Variants in ACCS observed in about 807,000 individuals in gnomAD.
ACCS encodes 1-aminocyclopropane-1-carboxylate synthase-like protein 1.
Under a neutral mutation model 59.8 loss-of-function variants are expected in ACCS, and 42 were observed. The observed-to-expected ratio is 0.70, with a 90% CI of 0.55 to 0.91. ACCS has a LOEUF of 0.91. ACCS is among the 40% of genes least tolerant of loss of function. The probability of loss-of-function intolerance (pLI) is 0.00; values close to 1 mark genes in which losing one functional copy is unlikely to be tolerated. For synonymous variants in ACCS, 230 were observed against 240.3 expected (o/e 0.96, Z 0.40); for missense variants, 602 against 630.4 (o/e 0.95, Z 0.48).
At chr11:44,069,140 G>A (rs957412131) in intron 2 of ACCS, among the ~76,000 whole-genome samples, 3 of 152,194 alleles carry the variant, frequency 2.0e-5, no homozygotes, top group Non-Finnish European at 4.4e-5. Context: ...CTCAAATCTA[G>A]CAAGTTAAAA....
At chr11:44,076,707 A>C (rs1196790918) in intron 6 of ACCS, among the ~76,000 whole-genome samples, 2 of 152,230 alleles carry the variant, frequency 1.3e-5, no homozygotes, top group Non-Finnish European at 2.9e-5. Flanking sequence ...ATGCTTAGCA[A>C]ATGTTAGCTG....
chr11:44,075,486 G>A (rs1179752912), intron 5 of ACCS, 40 bp from the exon 6 acceptor site: 3 of 1,606,564 alleles, frequency 1.9e-6, no homozygotes, highest in South Asian at 2.2e-5. Flanking sequence ...CACACTCCTG[G>A]AACTGGTTCA....
rs1186784438 is a variant in ACCS, at chr11:44,083,309, A to C, written c.1252A>C (p.Lys418Gln). 6.2e-7 allele frequency: 1 copy of C among 1,614,034 alleles called. No homozygotes were observed. Among genetic ancestry groups the C allele is most frequent in the Non-Finnish European group, 8.5e-7 (1 of 1,179,964 alleles). Residue 418 changes from lysine to glutamine, a missense_variant and splice_region_variant, in exon 13 of 15, where the codon AAG becomes CAG. By Grantham distance (53) the Lys-to-Gln change is moderately conservative. Coordinates refer to ENST00000263776, the MANE Select transcript of ACCS (RefSeq NM_032592.4). ...CTTCTTCATCTGGGTTGACTTGAGA[A>C]AGGTAATGCTGGTGGAGGTGCGGGC... ...AGFFIWVDLR[K>Q]YLPKGTFEEE...
chr11:44,083,583 C>T lies in ACCS; in HGVS notation c.1408+6C>T. On this transcript the variant is annotated splice_donor_region_variant and intron_variant, in intron 14 of 14. Transcript: ENST00000263776. ...GGTCCACCGGCTTTGCCTGGGTGAG[C>T]AGCCTGCCTTTCCAGCCCAGTCCTA... The T allele has an allele frequency of 1.2e-6, 2 of 1,614,198 alleles. No homozygotes were observed. The highest frequency in any genetic ancestry group is 8.5e-7 in the Non-Finnish European group (1 of 1,180,046).
intron 2 of ACCS, among the ~76,000 whole-genome samples, chr11:44,070,306 T>C (rs1952991562): frequency 6.6e-6 from 1 of 152,030 alleles, no homozygotes; most frequent in South Asian, 2.1e-4. Flanking sequence ...GGGAAGCTGT[T>C]GTAATAATAT....
chr11:44,084,121 T>C lies in ACCS; in HGVS notation c.*329T>C, dbSNP rs1953760908. 4.0e-6 allele frequency: 1 copy of C among 249,102 alleles called. No homozygotes were observed. Among genetic ancestry groups the C allele is most frequent in the Non-Finnish European group, 7.7e-6 (1 of 130,390 alleles). 15.4% of individuals were successfully genotyped at this position (249,102 alleles called of 1,614,324 possible). A position where few individuals can be genotyped will look rare whatever the true frequency, so the allele number is the denominator to read the frequency against. The stretch of plus-strand genomic sequence containing the variant: ...ATGTGAAAAGAAAACAAACAACTTG[T>C]ACCTTCTTTCTGATATCACCGTCAT... On this transcript the variant is annotated 3_prime_UTR_variant, in exon 15 of 15. Coordinates refer to ENST00000263776, the MANE Select transcript of ACCS (RefSeq NM_032592.4).
intron 2 of ACCS, among the ~76,000 whole-genome samples, chr11:44,070,248 G>A (rs1033931405): frequency 2.4e-4 from 37 of 152,266 alleles, no homozygotes; most frequent in African/African-American, 8.7e-4. Context: ...TTGGACTGCT[G>A]TATGGAGATT....
intron 12 of ACCS, chr11:44,082,076 G>A (rs1048292393): frequency 1.2e-4 from 19 of 152,270 alleles, no homozygotes; most frequent in Admixed American, 1.2e-3. Flanking sequence ...TGAGGAAAAT[G>A]AGGACCAGAT....
In ACCS at chr11:44,084,161, C is replaced by A; in HGVS notation, c.*369C>A. On this transcript the variant is annotated 3_prime_UTR_variant, in exon 15 of 15. Transcript: ENST00000263776. ...ATCACCGTCATTCCTCTTTCTTTGTCACCAAGGAAACGAGTCAAAGGAACA... is the reference window on the plus strand; with the variant it reads ...ATCACCGTCATTCCTCTTTCTTTGTAACCAAGGAAACGAGTCAAAGGAACA... The A allele has an allele frequency of 4.8e-6, 1 of 208,358 alleles. No homozygotes were observed. The highest frequency in any genetic ancestry group is 9.7e-6 in the Non-Finnish European group (1 of 103,200). 12.9% of individuals were successfully genotyped at this position (208,358 alleles called of 1,614,324 possible).
intron 4 of ACCS, among the ~76,000 whole-genome samples, chr11:44,073,935 G>C (rs532335604): frequency 1.3e-5 from 2 of 152,182 alleles, no homozygotes; most frequent in African/African-American, 4.8e-5. Context: ...ATGCTAAGAG[G>C]GGAGGTGGTA....
In ACCS at chr11:44,077,885, A is replaced by G; in HGVS notation, c.695A>G (p.Glu232Gly). The G allele has an allele frequency of 1.2e-6, 2 of 1,613,916 alleles. No homozygotes were observed. The highest frequency in any genetic ancestry group is 4.5e-5 in the East Asian group (2 of 44,888). ...LDTRPFQLTV[E>G]KLEMALREAH... ...ACACGCCCCTTCCAGCTCACAGTGG[A>G]GAAGCTGGAGATGGCCCTGAGAGAA... Residue 232 changes from glutamate to glycine, a missense_variant, in exon 8 of 15, where the codon GAG becomes GGG. Coordinates refer to ENST00000263776, the MANE Select transcript of ACCS (RefSeq NM_032592.4).
intron 4 of ACCS, among the ~76,000 whole-genome samples, 167 bp from the exon 5 acceptor site, chr11:44,074,445 G>A (rs1011957055): frequency 6.6e-6 from 1 of 152,064 alleles, no homozygotes; most frequent in African/African-American, 2.4e-5. Flanking sequence ...TGGGTACTGG[G>A]GAGGGGAAGG....
Position 44,073,531 on chromosome 11 carries a change from A to G in ACCS, c.419+14A>G. The G allele has an allele frequency of 6.3e-7, 1 of 1,597,472 alleles. No individual in the cohort carries two copies. Among genetic ancestry groups the G allele is most frequent in the Non-Finnish European group, 8.5e-7 (1 of 1,170,480 alleles). Reference sequence around the variant, plus strand: ...GGGACATCTGTTGTAAGTAGTTGCCATAGGGTGAGTTTGTCCCCCTGGGGA... The same window carrying G: ...GGGACATCTGTTGTAAGTAGTTGCCGTAGGGTGAGTTTGTCCCCCTGGGGA... On this transcript the variant is annotated intron_variant, in intron 4 of 14. Coordinates refer to ENST00000263776, the MANE Select transcript of ACCS (RefSeq NM_032592.4).
chr11:44,079,442 C>T, intron 9 of ACCS, 89 bp from the exon 10 acceptor site: 1 of 1,105,622 alleles, frequency 9.0e-7, no homozygotes. Context: ...CCCGGCCCCT[C>T]TGGATTTCTG....
intron 7 of ACCS, 181 bp from the exon 8 acceptor site, chr11:44,077,664 G>T (rs376215031): frequency 2.8e-6 from 4 of 1,441,560 alleles, no homozygotes; most frequent in Non-Finnish European, 3.6e-6. Flanking sequence ...TGATGAGGGG[G>T]TCTCTGAAGT....
At position 44,081,457 on chromosome 11, in the gene ACCS, G is replaced by T. The variant is rs995112897; in HGVS notation, c.1111+137G>T. 62 of 1,376,088 alleles carry T rather than the reference G, an allele frequency of 4.5e-5. No individual in the cohort carries two copies. In the African/African-American group the frequency reaches 7.8e-4, roughly 17 times the overall value. 85.2% of individuals were successfully genotyped at this position (1,376,088 alleles called of 1,614,324 possible). The stretch of plus-strand genomic sequence containing the variant: ...AGAGTGCCAGCTCTGAGCCCCGACT[G>T]GGTCCATACCCTATTTGGCCACTTC... On this transcript the variant is annotated intron_variant, in intron 12 of 14. Coordinates refer to ENST00000263776, the MANE Select transcript of ACCS (RefSeq NM_032592.4).
At chr11:44,073,423 G>T (rs370257359) in intron 3 of ACCS, 24 bp from the exon 4 acceptor site, 2 of 1,597,720 alleles carry the variant, frequency 1.3e-6, no homozygotes. Flanking sequence ...GCCCTCAGCC[G>T]TGCTCTTCCC....
intron 6 of ACCS, chr11:44,075,846 C>T (rs752678380): frequency 1.1e-5 from 5 of 455,530 alleles, no homozygotes; most frequent in African/African-American, 7.7e-5. Context: ...AGGTGGCTGT[C>T]GCGTCCTCAC....
At chr11:44,079,504 C>G in intron 9 of ACCS, 27 bp from the exon 10 acceptor site, 7 of 1,589,772 alleles carry the variant, frequency 4.4e-6, no homozygotes, top group East Asian at 2.2e-5. Flanking sequence ...CACTAAGTCT[C>G]TCCTCCCCAC....
Sources: allele counts gnomAD v4.1 joint callset (sites outside exome capture counted in the v4.1 genomes callset), GRCh38; gene constraint gnomAD v4.1.1; transcripts MANE v1.5; gene names NCBI Gene and HGNC (gene_info 2026-07-23, HGNC 2026-07-21).